The following FBXL2 variants were observed in gnomAD, a reference collection of about 807,000 sequenced individuals.
FBXL2 encodes the protein F-box/LRR-repeat protein 2.
Under a neutral mutation model 69.2 loss-of-function variants are expected in FBXL2, and 38 were observed. The observed-to-expected ratio is 0.55, with a 90% CI of 0.42 to 0.72. The LOEUF (loss-of-function observed/expected upper bound fraction) is 0.72, where lower values mean the gene tolerates loss of function less well. FBXL2 is among the 30% of genes least tolerant of loss of function. The pLI, the probability that FBXL2 is intolerant of heterozygous loss-of-function variation, is 0.00. For missense variants in FBXL2, 354 were observed against 520.3 expected (o/e 0.68, Z 3.11); for synonymous variants, 192 against 201.3 (o/e 0.95, Z 0.39).
intron 1 of FBXL2, among the ~76,000 whole-genome samples, chr3:33,280,055 A>AT (rs1318758230): frequency 1.3e-5 from 2 of 152,230 alleles, no homozygotes; most frequent in Admixed American, 1.3e-4. Context: ...TTGAGCACTT[A>AT]TAAATGACTT....
intron 2 of FBXL2, among the ~76,000 whole-genome samples, chr3:33,319,099 G>C (rs886519646): frequency 6.6e-6 from 1 of 152,164 alleles, no homozygotes; most frequent in Non-Finnish European, 1.5e-5. Context: ...ACAGTCCTGG[G>C]ATATATCAAG....
the FBXL2 span, chr3:33,412,912 G>A: frequency 6.9e-6 from 6 of 875,902 alleles, no homozygotes; most frequent in Admixed American, 7.0e-5. Flanking sequence ...GTGTTAACCT[G>A]TAGCAGTAGA....
the FBXL2 span, among the ~76,000 whole-genome samples, chr3:33,414,970 G>T: frequency 7.2e-6 from 1 of 138,698 alleles, no homozygotes; most frequent in Non-Finnish European, 1.5e-5. Context: ...AGTTCATTAC[G>T]TCATAATGAG....
chr3:33,380,472 T>A lies in FBXL2; in HGVS notation c.951+1731T>A, dbSNP rs813975. Among the ~76,000 whole-genome samples, 9 of 150,688 alleles carry A rather than the reference T, an allele frequency of 6.0e-5. No homozygotes were observed. In the East Asian group the frequency reaches 1.8e-3, roughly 30 times the overall value. ...ACTAGGGAGGCTGAGGCAGGAGAAT[T>A]GCTTGAAACTGGGAGGGGGAGATTG... On this transcript the variant is annotated intron_variant, in intron 13 of 14. Transcript: ENST00000484457.
At chr3:33,388,649 A>C (rs1247595904), downstream of FBXL2, 1 of 152,234 alleles carries the variant, frequency 6.6e-6, no homozygotes, top group Non-Finnish European at 1.5e-5. Context: ...AGATAAACTC[A>C]CTTCTTTCCC....
At chr3:33,367,571 T>C (rs1402994974) in intron 5 of FBXL2, among the ~76,000 whole-genome samples, 1 of 147,042 alleles carries the variant, frequency 6.8e-6, no homozygotes, top group Non-Finnish European at 1.5e-5. Context: ...ATTTCTGAAA[T>C]TGGTAATTGT....
chr3:33,370,185 C>T (rs1357590217), intron 5 of FBXL2, among the ~76,000 whole-genome samples: 7 of 151,868 alleles, frequency 4.6e-5, no homozygotes, highest in African/African-American at 7.2e-5. Flanking sequence ...GAGGCTGAGG[C>T]GGGCGGATCA....
In FBXL2 at chr3:33,314,792, C is replaced by T. The variant is rs746085647; in HGVS notation, c.65+17067C>T. 1.2e-4 allele frequency among the ~76,000 whole-genome samples: 18 copies of T among 152,120 alleles called. 1 individual carries two copies. The highest frequency in any genetic ancestry group is 1.9e-4 in the African/African-American group (8 of 41,438). On this transcript the variant is annotated intron_variant, in intron 2 of 14. Coordinates refer to ENST00000484457, the MANE Select transcript of FBXL2 (RefSeq NM_012157.5). ...TTTAAGAATTGAGAAGCTAACAACTCGGAAGCCAATACAAGTTTTCCAAAA... is the reference window on the plus strand; with the variant it reads ...TTTAAGAATTGAGAAGCTAACAACTTGGAAGCCAATACAAGTTTTCCAAAA...
intron 2 of FBXL2, among the ~76,000 whole-genome samples, chr3:33,327,200 A>G (rs549599551): frequency 2.0e-5 from 3 of 152,294 alleles, no homozygotes; most frequent in Admixed American, 1.3e-4. Flanking sequence ...TTGTAAGGTA[A>G]AGCTGTTATA....
intron 2 of FBXL2, among the ~76,000 whole-genome samples, chr3:33,311,666 C>T (rs946499551): frequency 6.6e-5 from 10 of 152,034 alleles, no homozygotes; most frequent in Non-Finnish European, 1.2e-4. Flanking sequence ...CTCTGTTCGC[C>T]CAGGCTGGAG....
intron 2 of FBXL2, among the ~76,000 whole-genome samples, chr3:33,309,906 A>T (rs1466504179): frequency 2.0e-5 from 3 of 152,024 alleles, no homozygotes; most frequent in Non-Finnish European, 4.4e-5. Context: ...CACGCCTGTA[A>T]TCCCAGCACT....
intron 5 of FBXL2, among the ~76,000 whole-genome samples, chr3:33,365,215 G>T (rs2041873439): frequency 6.6e-6 from 1 of 151,426 alleles, no homozygotes; most frequent in African/African-American, 2.4e-5. Flanking sequence ...TTTTATTACA[G>T]TTAGCAATAT....
At chr3:33,297,599 CAATT>C (rs1049304163) in intron 1 of FBXL2, 61 bp from the exon 2 acceptor site, 57 of 1,025,286 alleles carry the variant, frequency 5.6e-5, no homozygotes, top group Non-Finnish European at 7.5e-5. Context: ...AGTATAAAAA[CAATT>C]AATTTTTTCC....
At chr3:33,402,219 T>G (rs1490629316) in intron 12 of FBXL2, among the ~76,000 whole-genome samples, 1 of 152,218 alleles carries the variant, frequency 6.6e-6, no homozygotes, top group Non-Finnish European at 1.5e-5. Flanking sequence ...ACCTTCAAGA[T>G]GCCCCAAATG....
chr3:33,294,012 TACTA>T (rs2125706528), intron 1 of FBXL2, among the ~76,000 whole-genome samples: 1 of 152,310 alleles, frequency 6.6e-6, no homozygotes, highest in Admixed American at 6.5e-5. Context: ...ACTGAAATAA[TACTA>T]AGTATCTTCT....
chr3:33,304,954 C>T (rs923632328), intron 2 of FBXL2, among the ~76,000 whole-genome samples: 2 of 152,086 alleles, frequency 1.3e-5, no homozygotes, highest in African/African-American at 4.8e-5. Flanking sequence ...TTCAGTGAAA[C>T]ACGTATTTTT....
chr3:33,413,295 C>T, the FBXL2 span, among the ~76,000 whole-genome samples: 1 of 151,090 alleles, frequency 6.6e-6, no homozygotes, highest in East Asian at 2.0e-4. Context: ...ACCTGTAATC[C>T]CAGCACTTTG....
At chr3:33,279,114 T>C (rs2033666130) in intron 1 of FBXL2, among the ~76,000 whole-genome samples, 1 of 152,226 alleles carries the variant, frequency 6.6e-6, no homozygotes, top group Non-Finnish European at 1.5e-5. Context: ...AACTTAATAA[T>C]GCTTTGCTTT....
At chr3:33,405,180 T>G (rs2044383899), downstream of FBXL2, among the ~76,000 whole-genome samples, 1 of 151,900 alleles carries the variant, frequency 6.6e-6, no homozygotes, top group South Asian at 2.1e-4. Context: ...AAAATAAAAA[T>G]AAATAAGAAA....
Sources: allele counts gnomAD v4.1 joint callset (sites outside exome capture counted in the v4.1 genomes callset), GRCh38; gene constraint gnomAD v4.1.1; transcripts MANE v1.5; gene names NCBI Gene and HGNC (gene_info 2026-07-23, HGNC 2026-07-21).